DCAF6: variants seen among roughly 807,000 people sequenced by gnomAD.
The protein encoded by DCAF6 is DDB1- and CUL4-associated factor 6.
In DCAF6, 54 loss-of-function variants were observed where a neutral mutation model predicts 125.1. The ratio of observed to expected loss-of-function variants is 0.43; its 90% CI spans 0.35 to 0.54. DCAF6 has a LOEUF of 0.54. DCAF6 is among the 20% of genes least tolerant of loss of function. The pLI, the probability that DCAF6 is intolerant of heterozygous loss-of-function variation, is 0.01. For missense variants in DCAF6, 934 were observed against 1,161.7 expected (o/e 0.80, Z 2.85); for synonymous variants, 371 against 390.4 (o/e 0.95, Z 0.58).
chr1:168,010,251 A>G (rs1478347456), intron 10 of DCAF6, among the ~76,000 whole-genome samples: 1 of 152,188 alleles, frequency 6.6e-6, no homozygotes, highest in Non-Finnish European at 1.5e-5. Flanking sequence ...ATACTTTAAA[A>G]AATTGTCTCA....
the DCAF6 span, among the ~76,000 whole-genome samples, chr1:167,872,436 T>C: frequency 0.44 from 66,197 of 151,682 alleles, 15,097 homozygotes; most frequent in African/African-American, 0.56. Flanking sequence ...GAACACCTAC[T>C]GGTAGAACCT....
intron 17 of DCAF6, among the ~76,000 whole-genome samples, chr1:168,060,247 T>G (rs896664207): frequency 2.6e-5 from 4 of 152,222 alleles, no homozygotes; most frequent in African/African-American, 9.6e-5. Context: ...TGGCATGATC[T>G]TAGCTCACTG....
intron 17 of DCAF6, among the ~76,000 whole-genome samples, chr1:168,061,185 C>A (rs1279954372): frequency 6.6e-6 from 1 of 152,172 alleles, no homozygotes; most frequent in African/African-American, 2.4e-5. Flanking sequence ...GTGAACTAAA[C>A]ATGTCAGCTT....
the DCAF6 span, among the ~76,000 whole-genome samples, chr1:167,887,101 C>A: frequency 1.3e-5 from 2 of 152,116 alleles, no homozygotes; most frequent in Non-Finnish European, 2.9e-5. Flanking sequence ...GTTGGTGGGA[C>A]TGTAAACTAG....
chr1:168,009,517 T>TC (rs1217581513), intron 10 of DCAF6, among the ~76,000 whole-genome samples: 1 of 148,400 alleles, frequency 6.7e-6, no homozygotes, highest in Non-Finnish European at 1.5e-5. Flanking sequence ...CTTCCTTCCT[T>TC]CTTTCCTCCA....
chr1:167,905,258 C>G, the DCAF6 span: 1 of 1,253,496 alleles, frequency 8.0e-7, no homozygotes, highest in Non-Finnish European at 1.2e-6. Context: ...TTTCCTATTG[C>G]TCTTTCTCCA....
intron 4 of DCAF6, among the ~76,000 whole-genome samples, chr1:167,979,593 T>G (rs1238591107): frequency 6.6e-6 from 1 of 152,152 alleles, no homozygotes; most frequent in Admixed American, 6.5e-5. Context: ...ATTTTCTTTA[T>G]TCATTTATCT....
intron 4 of DCAF6, among the ~76,000 whole-genome samples, chr1:167,980,962 A>C (rs1443152576): frequency 7.2e-6 from 1 of 138,746 alleles, no homozygotes; most frequent in African/African-American, 2.7e-5. Context: ...GCTGGAGTGC[A>C]GTGGTACAAT....
At chr1:168,017,687 A>T (rs1406079697) in intron 11 of DCAF6, among the ~76,000 whole-genome samples, 1 of 152,148 alleles carries the variant, frequency 6.6e-6, no homozygotes, top group Non-Finnish European at 1.5e-5. Flanking sequence ...ACTTTATCTT[A>T]TACATAATAA....
chr1:167,899,447 A>G, the DCAF6 span: 1 of 1,614,034 alleles, frequency 6.2e-7, no homozygotes, highest in Non-Finnish European at 8.5e-7. Flanking sequence ...GATCTGGAAC[A>G]CTCTCAATTT....
chr1:167,991,743 C>G (rs1187991618), intron 6 of DCAF6, among the ~76,000 whole-genome samples: 1 of 152,158 alleles, frequency 6.6e-6, no homozygotes, highest in East Asian at 1.9e-4. Context: ...TTGGCATCCC[C>G]TTGGTATAGA....
chr1:167,968,291 A>G (rs753733109), intron 3 of DCAF6, among the ~76,000 whole-genome samples: 1 of 152,204 alleles, frequency 6.6e-6, no homozygotes, highest in Non-Finnish European at 1.5e-5. Context: ...CAGAAATAAC[A>G]GATACTATGA....
At chr1:168,023,179 A>G (rs1209259550) in intron 12 of DCAF6, 132 bp downstream of exon 12, 1 of 893,940 alleles carries the variant, frequency 1.1e-6, no homozygotes, top group African/African-American at 1.7e-5. Context: ...TGTGGACCAA[A>G]TTACAATAGG....
At chr1:167,905,740 G>A in the DCAF6 span, among the ~76,000 whole-genome samples, 3 of 149,122 alleles carry the variant, frequency 2.0e-5, no homozygotes, top group South Asian at 2.1e-4. Flanking sequence ...GTTCAGAAAT[G>A]TGTGTGTGTG....
chr1:167,902,217 A>G, the DCAF6 span, among the ~76,000 whole-genome samples: 2 of 152,216 alleles, frequency 1.3e-5, no homozygotes, highest in Non-Finnish European at 2.9e-5. Context: ...AACCCATTTG[A>G]GTCTGTTTCC....
intron 16 of DCAF6, among the ~76,000 whole-genome samples, chr1:168,045,901 G>A (rs1689105221): frequency 6.6e-6 from 1 of 151,964 alleles, no homozygotes; most frequent in Admixed American, 6.6e-5. Context: ...TATTATTAGT[G>A]CTATCATATC....
At chr1:167,875,958 G>GA in the DCAF6 span, among the ~76,000 whole-genome samples, 3 of 150,572 alleles carry the variant, frequency 2.0e-5, no homozygotes, top group African/African-American at 4.9e-5. Context: ...ATCTCAAAAA[G>GA]AAAAAAAAGG....
chr1:168,009,021 C>CA (rs902428391), intron 10 of DCAF6, among the ~76,000 whole-genome samples: 37 of 147,650 alleles, frequency 2.5e-4, no homozygotes, highest in African/African-American at 8.5e-4. Flanking sequence ...TCTTTTTAGA[C>CA]AGAGTCTTGC....
At chr1:167,884,119 CTT>C in the DCAF6 span, among the ~76,000 whole-genome samples, 1 of 152,086 alleles carries the variant, frequency 6.6e-6, no homozygotes, top group South Asian at 2.1e-4. Flanking sequence ...CAATTATACT[CTT>C]TTAGTTATTT....
Sources: gnomAD v4.1 joint callset for allele counts (sites outside exome capture counted in the v4.1 genomes callset) on GRCh38, gnomAD v4.1.1 for gene constraint, MANE v1.5 for transcripts, NCBI Gene and HGNC (gene_info 2026-07-23, HGNC 2026-07-21) for gene names.